ARL15: variants seen among roughly 807,000 people sequenced by gnomAD.
ARL15 encodes the protein ADP-ribosylation factor-like protein 15.
A neutral mutation model predicts 25.2 loss-of-function variants in ARL15; 19 were observed. That is an observed-to-expected ratio of 0.75 (90% CI 0.53 to 1.10). The LOEUF is 1.10. ARL15 is among the 50% of genes least tolerant of loss of function. The pLI is 0.00. For synonymous variants in ARL15, 94 were observed against 86.8 expected (o/e 1.08, Z -0.46); for missense variants, 220 against 246.0 (o/e 0.89, Z 0.71).
chr5:53,919,248 T>C (rs1745764234), intron 4 of ARL15, among the ~76,000 whole-genome samples: 1 of 152,196 alleles, frequency 6.6e-6, no homozygotes, highest in Admixed American at 6.5e-5. Context: ...TTATCCAATA[T>C]ACTGAGTGGT....
chr5:53,922,727 G>C lies in ARL15; in HGVS notation c.463-36014C>G, dbSNP rs3729601. On this transcript the variant is annotated intron_variant, in intron 4 of 4. Coordinates refer to ENST00000504924, the MANE Select transcript of ARL15 (RefSeq NM_019087.3). ...AGTGGTACATCTGTAGTGATGTATT[G>C]ATGGAATATTGCTTGACTTGTGAAC... Among the ~76,000 whole-genome samples, 2,212 of 152,292 alleles carry C rather than the reference G, an allele frequency of 0.015. 142 individuals carry two copies. The East Asian group carries it at 0.2, about 14-fold the overall frequency.
intron 4 of ARL15, among the ~76,000 whole-genome samples, chr5:53,903,111 G>T (rs911345175): frequency 1.3e-5 from 2 of 152,106 alleles, no homozygotes; most frequent in African/African-American, 4.8e-5. Flanking sequence ...AGGAATTTTA[G>T]CCAAAAAATC....
At chr5:54,031,838 A>T (rs781509532) in intron 4 of ARL15, among the ~76,000 whole-genome samples, 24 of 152,096 alleles carry the variant, frequency 1.6e-4, no homozygotes, top group Admixed American at 1.1e-3. Flanking sequence ...ACACACACAC[A>T]CTAGATTTGT....
chr5:53,930,230 GAGAC>G (rs1458688499), intron 4 of ARL15, among the ~76,000 whole-genome samples: 1 of 152,158 alleles, frequency 6.6e-6, no homozygotes, highest in African/African-American at 2.4e-5. Flanking sequence ...GGGAAGTGAA[GAGAC>G]AGACACACTT....
intron 4 of ARL15, among the ~76,000 whole-genome samples, chr5:53,992,426 CAT>C (rs1554032525): frequency 2.0e-5 from 3 of 152,296 alleles, no homozygotes; most frequent in Non-Finnish European, 1.5e-5. Context: ...CTTCTACACA[CAT>C]CTTATACCTA....
intron 3 of ARL15, among the ~76,000 whole-genome samples, chr5:54,147,280 C>G (rs780767068): frequency 6.6e-6 from 1 of 152,000 alleles, no homozygotes; most frequent in African/African-American, 2.4e-5. Context: ...CACACTAGAT[C>G]CATGACTATA....
At chr5:54,033,290 G>A (rs1196833188) in intron 4 of ARL15, among the ~76,000 whole-genome samples, 1 of 152,022 alleles carries the variant, frequency 6.6e-6, no homozygotes, top group Non-Finnish European at 1.5e-5. Context: ...TCCAGCTGGG[G>A]TGACAGAGCA....
At chr5:54,305,337 T>C (rs1176759858) in intron 1 of ARL15, among the ~76,000 whole-genome samples, 1 of 151,996 alleles carries the variant, frequency 6.6e-6, no homozygotes, top group African/African-American at 2.4e-5. Context: ...CCGTCTCTAC[T>C]AAACATACAA....
chr5:53,894,430 T>C (rs1744808713), intron 4 of ARL15, among the ~76,000 whole-genome samples: 1 of 152,202 alleles, frequency 6.6e-6, no homozygotes. Flanking sequence ...TGGTAGGACC[T>C]AGGATCTGAA....
At chr5:54,089,200 C>A (rs1483862204) in intron 4 of ARL15, among the ~76,000 whole-genome samples, 2 of 152,150 alleles carry the variant, frequency 1.3e-5, no homozygotes, top group Non-Finnish European at 2.9e-5. Context: ...GAACTCAAAG[C>A]CCCATTAATG....
intron 4 of ARL15, among the ~76,000 whole-genome samples, chr5:54,060,592 G>C (rs545296527): frequency 1.3e-4 from 20 of 152,308 alleles, no homozygotes; most frequent in African/African-American, 4.8e-4. Context: ...ATGTGGAACT[G>C]TAAGTCCAAT....
At chr5:54,204,465 C>T (rs1755809509) in intron 1 of ARL15, among the ~76,000 whole-genome samples, 1 of 152,188 alleles carries the variant, frequency 6.6e-6, no homozygotes, top group Admixed American at 6.5e-5. Context: ...CAGATGCACA[C>T]TGCTTCGAAT....
At chr5:53,997,062 G>C (rs12659966) in intron 4 of ARL15, among the ~76,000 whole-genome samples, 40,503 of 152,072 alleles carry the variant, frequency 0.27, 5,616 homozygotes, top group East Asian at 0.46. Flanking sequence ...ATAGGGTGAA[G>C]AATACATTTC....
chr5:53,994,479 C>G (rs1320629396), intron 4 of ARL15, among the ~76,000 whole-genome samples: 1 of 152,134 alleles, frequency 6.6e-6, no homozygotes, highest in African/African-American at 2.4e-5. Context: ...TGTTTTTTAA[C>G]AACAATTATC....
chr5:54,138,862 G>GAA (rs1753683837), intron 3 of ARL15, among the ~76,000 whole-genome samples: 1 of 152,052 alleles, frequency 6.6e-6, no homozygotes, highest in Non-Finnish European at 1.5e-5. Flanking sequence ...CAAATGACAT[G>GAA]AATAGATATT....
chr5:53,924,588 G>T (rs1206451090), intron 4 of ARL15, among the ~76,000 whole-genome samples: 1 of 152,096 alleles, frequency 6.6e-6, no homozygotes, highest in African/African-American at 2.4e-5. Flanking sequence ...GAACCTAGAC[G>T]CCTAACATTT....
chr5:54,226,298 G>A (rs116411403), intron 1 of ARL15, among the ~76,000 whole-genome samples: 2,199 of 152,262 alleles, frequency 0.014, 60 homozygotes, highest in African/African-American at 0.05. Context: ...GAACAAGCAC[G>A]TTTAGAGGAA....
chr5:54,157,759 G>A (rs1248965714), intron 2 of ARL15, among the ~76,000 whole-genome samples: 3 of 152,108 alleles, frequency 2.0e-5, no homozygotes, highest in Non-Finnish European at 1.5e-5. Context: ...CAAAATAGTC[G>A]TAAATGTTTT....
At chr5:54,179,106 AGTCTG>A (rs1754973500) in intron 1 of ARL15, among the ~76,000 whole-genome samples, 1 of 152,214 alleles carries the variant, frequency 6.6e-6, no homozygotes, top group Non-Finnish European at 1.5e-5. Flanking sequence ...AAACCCTGGC[AGTCTG>A]GCTCCTGAGC....
Sources: gnomAD v4.1 joint callset for allele counts (sites outside exome capture counted in the v4.1 genomes callset) on GRCh38, gnomAD v4.1.1 for gene constraint, MANE v1.5 for transcripts, NCBI Gene and HGNC (gene_info 2026-07-23, HGNC 2026-07-21) for gene names.